The following MTMR6 variants were observed in gnomAD, a reference collection of about 807,000 sequenced individuals.
MTMR6 encodes the protein myotubularin related protein 6, also known as phosphatidylinositol-3,5-bisphosphate 3-phosphatase MTMR6.
MTMR6 carries 47 observed loss-of-function variants against 80.1 expected under a neutral mutation model. The ratio of observed to expected loss-of-function variants is 0.59; its 90% CI spans 0.46 to 0.75. The LOEUF (loss-of-function observed/expected upper bound fraction) is 0.75, where lower values mean the gene tolerates loss of function less well. Ranked by LOEUF, MTMR6 falls within the 30% of genes least tolerant of loss-of-function variation. The pLI is 0.00. For missense variants in MTMR6, 629 were observed against 730.9 expected, an observed-to-expected ratio of 0.86 and a Z score of 1.61; for synonymous variants, 254 against 253.0, an observed-to-expected ratio of 1.00 and a Z score of -0.04.
At chr13:25,255,397 A>G (rs1201734164) in intron 9 of MTMR6, among the ~76,000 whole-genome samples, 1 of 152,226 alleles carries the variant, frequency 6.6e-6, no homozygotes, top group Non-Finnish European at 1.5e-5. Flanking sequence ...TCTTTGGCTT[A>G]TCTCAGTGAA....
At position 25,263,701 on chromosome 13, in the gene MTMR6, A is replaced by G. The variant is rs575647415; in HGVS notation, c.592-1899T>C. Among the ~76,000 whole-genome samples the G allele has an allele frequency of 3.9e-5, 6 of 152,236 alleles. No homozygotes were observed. In the East Asian group the frequency reaches 9.7e-4, roughly 25 times the overall value. On this transcript the variant is annotated intron_variant, in intron 5 of 13. Transcript: ENST00000381801. Reference sequence around the variant, plus strand: ...CAGGAGTTCGAAACCATCCTGGCCAAATGGTGAAACCCAATCTCTACTAAA... The same window carrying G: ...CAGGAGTTCGAAACCATCCTGGCCAGATGGTGAAACCCAATCTCTACTAAA...
intron 2 of MTMR6, 105 bp from the exon 3 acceptor site, chr13:25,268,046 G>A: frequency 8.9e-7 from 1 of 1,118,112 alleles, no homozygotes; most frequent in Non-Finnish European, 1.2e-6. Context: ...AGTTGAAAAT[G>A]TTACATACTC....
At chr13:25,257,105 A>C in intron 9 of MTMR6, 91 bp downstream of exon 9, 2 of 1,348,388 alleles carry the variant, frequency 1.5e-6, no homozygotes, top group African/African-American at 3.0e-5. Flanking sequence ...CCTTTAGTGC[A>C]AAACTGTCTC....
chr13:25,251,971 T>C lies in MTMR6; in HGVS notation c.1360A>G (p.Thr454Ala), dbSNP rs1333109750. 1 of 1,611,564 alleles carries C rather than the reference T, an allele frequency of 6.2e-7. No homozygotes were observed. Among genetic ancestry groups the C allele is most frequent in the Non-Finnish European group, 8.5e-7 (1 of 1,178,936 alleles). ...AAAAGAAATGGCCACAGGGAATAAG[T>C]CTTCTCCTTCAACCTTAATATAATG... is the stretch of plus-strand genomic sequence containing the variant. ...EREELKLKEK[T>A]YSLWPFLLED... Residue 454 changes from threonine to alanine, a missense_variant, in exon 12 of 14, where the codon ACT becomes GCT. Thr to Ala is a moderately conservative substitution (Grantham distance 58). Coordinates refer to ENST00000381801, the MANE Select transcript of MTMR6 (RefSeq NM_004685.5). This position sits in a 1 kb window ranked among gnomAD's most constrained non-coding sequence, Gnocchi z 4.1.
chr13:25,284,857 T>C (rs1012532767), intron 1 of MTMR6, among the ~76,000 whole-genome samples: 3 of 152,214 alleles, frequency 2.0e-5, no homozygotes, highest in Non-Finnish European at 4.4e-5. Flanking sequence ...CTTGCTGTTA[T>C]ATACCCAGTG....
Position 25,265,905 on chromosome 13 carries a change from C to T in MTMR6, c.505G>A (p.Ala169Thr). The T allele has an allele frequency of 2.5e-6, 4 of 1,614,086 alleles. No homozygotes were observed. Among genetic ancestry groups the T allele is most frequent in the Non-Finnish European group, 2.5e-6 (3 of 1,179,954 alleles). Residue 169 changes from alanine (A) to threonine (T), a missense_variant, in exon 5 of 14, where the codon GCA (alanine) becomes ACA (threonine). Ala to Thr is a moderately conservative substitution (Grantham distance 58, BLOSUM62 0). Coordinates refer to ENST00000381801, the MANE Select transcript of MTMR6 (RefSeq NM_004685.5). Reference protein sequence around the residue: ...YPRELYVPRIASKPIIVGSSK... With the variant: ...YPRELYVPRITSKPIIVGSSK... ...CTACCAACAATTATTGGTTTGCTTG[C>T]TATCCGGGGAACATAAAGTTCTCTG...
In MTMR6 at chr13:25,249,526, T is replaced by C. The variant is rs1050740521; in HGVS notation, c.1606-34A>G. 5.0e-6 allele frequency: 8 copies of C among 1,597,670 alleles called. No individual in the cohort carries two copies. The South Asian group carries it at 6.7e-5, about 13-fold the overall frequency. ...AACACAAATTTGAAAAAATTACTAA[T>C]TGCATAAGCCACAATATGTTACATG... On this transcript the variant is annotated intron_variant, in intron 13 of 13. Transcript: ENST00000381801.
chr13:25,255,848 G>A (rs1957195074), intron 9 of MTMR6, among the ~76,000 whole-genome samples: 1 of 151,954 alleles, frequency 6.6e-6, no homozygotes, highest in South Asian at 2.1e-4. Context: ...AAACATCCCT[G>A]GAACCCATCA....
In MTMR6 at chr13:25,247,398, T is replaced by C. The variant is rs979582081; in HGVS notation, c.*1834A>G. ...TACACAGTCTGCTTTTGCCAACATA[T>C]ACCCTGTAGGTCACTTAAGATGTAA... On this transcript the variant is annotated 3_prime_UTR_variant, in exon 14 of 14. Transcript: ENST00000381801. The C allele has an allele frequency of 6.6e-6, 1 of 152,664 alleles. No individual in the cohort carries two copies. The highest frequency in any genetic ancestry group is 6.5e-5 in the Admixed American group (1 of 15,282). The allele number at this position is 152,664 out of a possible 1,614,324, so 9.5% of individuals were successfully genotyped here.
At position 25,254,021 on chromosome 13, in the gene MTMR6, G is replaced by A. The variant is rs1251386481; in HGVS notation, c.1146-57C>T. ...ACACCTCTGAAAGGTCCATTGTTCA[G>A]GTATTGTTAATCTTAAACATACAAA... On this transcript the variant is annotated intron_variant, in intron 10 of 13. Coordinates refer to ENST00000381801, the MANE Select transcript of MTMR6 (RefSeq NM_004685.5). 8 of 1,534,780 alleles carry A rather than the reference G, an allele frequency of 5.2e-6. No homozygotes were observed. In the Admixed American group the frequency reaches 9.0e-5, roughly 17 times the overall value.
rs57946891 is a variant in MTMR6, at chr13:25,254,638, T to C, written c.1096-204A>G. Among the ~76,000 whole-genome samples the C allele has an allele frequency of 6.1e-3, 931 of 152,222 alleles. 12 individuals are homozygous for C. The highest frequency in any genetic ancestry group is 0.021 in the African/African-American group (858 of 41,534). ...AAGAATAAAAATGCATAAAAAGAAATAGAGTAGTTTCGTGACTTAAATTAT... is the reference window on the plus strand; with the variant it reads ...AAGAATAAAAATGCATAAAAAGAAACAGAGTAGTTTCGTGACTTAAATTAT... On this transcript the variant is annotated intron_variant, in intron 9 of 13. Transcript: ENST00000381801.
chr13:25,284,196 C>G (rs1015908381), intron 1 of MTMR6, among the ~76,000 whole-genome samples: 3 of 152,116 alleles, frequency 2.0e-5, no homozygotes, highest in Non-Finnish European at 4.4e-5. Context: ...TGAATTAATA[C>G]TAATGCACAT....
intron 2 of MTMR6, among the ~76,000 whole-genome samples, chr13:25,269,609 A>G (rs530820166): frequency 7.9e-5 from 12 of 152,212 alleles, no homozygotes; most frequent in African/African-American, 2.4e-4. Context: ...AAAAATTCCA[A>G]TCTGCTTTGT....
At chr13:25,274,266 A>C (rs4387458) in intron 1 of MTMR6, 79 bp from the exon 2 acceptor site, 786,040 of 802,494 alleles carry the variant, frequency 0.98, 386,630 homozygotes, top group East Asian at 1. Flanking sequence ...CTTACATGCA[A>C]CATTCTCAAT....
intron 6 of MTMR6, chr13:25,260,523 C>A: frequency 2.6e-6 from 2 of 768,752 alleles, no homozygotes; most frequent in Non-Finnish European, 3.6e-6. Context: ...AAATAGTGAC[C>A]ATTCCTTTCA....
At chr13:25,272,677 T>C (rs1278433835) in intron 2 of MTMR6, among the ~76,000 whole-genome samples, 1 of 152,206 alleles carries the variant, frequency 6.6e-6, no homozygotes, top group African/African-American at 2.4e-5. Context: ...AAGCTCCCAC[T>C]TATAAGTGAG....
At chr13:25,275,450 G>A (rs1957697744) in intron 1 of MTMR6, among the ~76,000 whole-genome samples, 1 of 151,822 alleles carries the variant, frequency 6.6e-6, no homozygotes, top group South Asian at 2.1e-4. Flanking sequence ...ACAAACAAAA[G>A]TTAATTTATG....
chr13:25,267,696 A>C, intron 3 of MTMR6, 83 bp downstream of exon 3: 2 of 1,379,726 alleles, frequency 1.4e-6, no homozygotes, highest in Non-Finnish European at 9.8e-7. Context: ...AGGATAAAAT[A>C]ACAATAATAA....
chr13:25,275,354 G>A (rs566373033), intron 1 of MTMR6, among the ~76,000 whole-genome samples: 136 of 151,710 alleles, frequency 9.0e-4, no homozygotes, highest in African/African-American at 3.2e-3. Context: ...CCCAGACGGT[G>A]GAGGTTGCAG....
Sources: gnomAD v4.1 joint callset for allele counts (sites outside exome capture counted in the v4.1 genomes callset) on GRCh38, gnomAD v4.1.1 for gene constraint, Gnocchi (gnomAD v3.1) non-coding constraint, MANE v1.5 for transcripts, NCBI Gene and HGNC (gene_info 2026-07-23, HGNC 2026-07-21) for gene names.